Variants in PFKP observed in about 807,000 individuals in gnomAD.
PFKP encodes the protein ATP-dependent 6-phosphofructokinase, platelet type.
A neutral mutation model predicts 94.3 loss-of-function variants in PFKP; 101 were observed. The ratio of observed to expected loss-of-function variants is 1.07; its 90% CI spans 0.91 to 1.26. The LOEUF is 1.26. Among genes scored for constraint, PFKP ranks in the 50% most tolerant of loss-of-function variants. The probability of loss-of-function intolerance (pLI) is 0.00; values close to 1 mark genes in which losing one functional copy is unlikely to be tolerated. For synonymous variants in PFKP, 573 were observed against 432.6 expected (o/e 1.32, Z -4.03); for missense variants, 1,145 against 1,103.3 (o/e 1.04, Z -0.53).
intron 16 of PFKP, among the ~76,000 whole-genome samples, chr10:3,122,243 C>T (rs972681495): frequency 6.6e-6 from 1 of 152,160 alleles, no homozygotes; most frequent in Non-Finnish European, 1.5e-5. Flanking sequence ...CCCTTCTGAT[C>T]CTGAGCTCCA....
At chr10:3,128,621 C>A (rs551693445) in intron 16 of PFKP, among the ~76,000 whole-genome samples, 1 of 152,248 alleles carries the variant, frequency 6.6e-6, no homozygotes, top group Non-Finnish European at 1.5e-5. Flanking sequence ...ACGCCTTGTA[C>A]GCCTTGTTCC....
Position 3,118,859 on chromosome 10 carries a change from G to A in PFKP, c.1520G>A (p.Gly507Asp). Reference protein sequence around the residue: ...THSINALLIIGGFEAYLGLLE... With the variant: ...THSINALLIIDGFEAYLGLLE... ...AGCATCAACGCGCTGCTGATCATCGGTGGATTCGAGGTACGTTACCGTTTC... is the reference window on the plus strand; with the variant it reads ...AGCATCAACGCGCTGCTGATCATCGATGGATTCGAGGTACGTTACCGTTTC... The change falls in exon 15 of 22, where the codon GGT becomes GAT. Residue 507 changes from glycine (G) to aspartate (D), a missense_variant. Physicochemically the swap from Gly to Asp is moderately conservative, Grantham distance 94. Around this residue, in one of 3 missense-constraint regions of PFKP, gnomAD observed 1,119 missense variants for 1,062.8 expected, o/e 1.05. Transcript: ENST00000381125. 1.2e-6 allele frequency: 2 copies of A among 1,612,504 alleles called. No homozygotes were observed. Among genetic ancestry groups the A allele is most frequent in the South Asian group, 2.2e-5 (2 of 90,866 alleles).
chr10:3,111,035 T>C (rs934732666), intron 10 of PFKP, among the ~76,000 whole-genome samples: 1 of 152,122 alleles, frequency 6.6e-6, no homozygotes, highest in Non-Finnish European at 1.5e-5. Context: ...AGTGTGTGCA[T>C]GTATGTTTAT....
chr10:3,073,704 G>A (rs561472943), intron 1 of PFKP, among the ~76,000 whole-genome samples: 5 of 152,292 alleles, frequency 3.3e-5, no homozygotes, highest in East Asian at 3.9e-4. Flanking sequence ...GATCTGATCC[G>A]AAGTTTCCTG....
chr10:3,128,865 A>C (rs1838247715), intron 16 of PFKP: 1 of 152,266 alleles, frequency 6.6e-6, no homozygotes, highest in South Asian at 2.1e-4. Flanking sequence ...TGTGATGCAC[A>C]CAGCGGCCAG....
chr10:3,119,790 C>CATTAAAAAAAAAAAA, intron 15 of PFKP, 102 bp from the exon 16 acceptor site: 4 of 960,574 alleles, frequency 4.2e-6, no homozygotes, highest in Non-Finnish European at 3.2e-6. Flanking sequence ...CCAGTGTGCT[C>CATTAAAAAAAAAAAA]CCTGCGTGCT....
intron 20 of PFKP, among the ~76,000 whole-genome samples, 153 bp downstream of exon 20, chr10:3,134,735 T>C (rs1366820876): frequency 6.6e-6 from 1 of 152,242 alleles, no homozygotes; most frequent in Non-Finnish European, 1.5e-5. Flanking sequence ...TCTCTGAGTG[T>C]TGCTATTTAA....
chr10:3,129,820 C>A lies in PFKP; in HGVS notation c.1685C>A (p.Thr562Asn), dbSNP rs141301561. The change falls in exon 17 of 22, where the codon ACC becomes AAC. Residue 562 changes from threonine to asparagine, a missense_variant and splice_region_variant. Physicochemically the swap from Thr to Asn is moderately conservative, Grantham distance 65 (BLOSUM62 0). This residue lies in a region of PFKP where 1,119 missense variants were observed against 1,062.8 expected (regional missense o/e 1.05). Coordinates refer to ENST00000381125, the MANE Select transcript of PFKP (RefSeq NM_002627.5). ...GACTGATCGCTTCTCTGTGACCAGA[C>A]CTGCGACCGCATCAAGCAGTCCGCC... ...ADTALNTITDTCDRIKQSASG... is the reference protein window; with the variant it reads ...ADTALNTITDNCDRIKQSASG... The A allele has an allele frequency of 2.0e-5, 33 of 1,613,282 alleles. No individual in the cohort carries two copies. The highest frequency in any genetic ancestry group is 2.5e-6 in the Non-Finnish European group (3 of 1,179,950).
intron 18 of PFKP, 45 bp downstream of exon 18, chr10:3,132,486 C>A: frequency 7.4e-7 from 1 of 1,349,440 alleles, no homozygotes; most frequent in South Asian, 1.2e-5. Flanking sequence ...CACCGCCACA[C>A]CCTGGTTCTT....
intron 13 of PFKP, among the ~76,000 whole-genome samples, chr10:3,116,518 C>T (rs779536740): frequency 9.9e-5 from 15 of 152,172 alleles, no homozygotes; most frequent in Admixed American, 6.5e-4. Flanking sequence ...GTATCTCACA[C>T]GTGGCTCAGG....
chr10:3,105,483 G>C lies in PFKP; in HGVS notation c.756G>C (p.Met252Ile). The C allele has an allele frequency of 6.2e-7, 1 of 1,613,372 alleles. No individual in the cohort carries two copies. Residue 252 changes from methionine to isoleucine, a missense_variant, in exon 7 of 22, where the codon ATG (methionine) becomes ATC (isoleucine). Met to Ile is a conservative substitution (Grantham distance 10). Around this residue, in one of 3 missense-constraint regions of PFKP, gnomAD observed 1,119 missense variants for 1,062.8 expected, o/e 1.05. Transcript: ENST00000381125. ...CAGAGGAAGGCTGGGAGGAGCAGAT[G>C]TGTGTCAAACTCTCGGAGGTAATGC... Reference protein sequence around the residue: ...SPPEEGWEEQMCVKLSENRAR... With the variant: ...SPPEEGWEEQICVKLSENRAR...
chr10:3,128,394 GT>G (rs1838186165), intron 16 of PFKP, among the ~76,000 whole-genome samples: 1 of 152,230 alleles, frequency 6.6e-6, no homozygotes, highest in African/African-American at 2.4e-5. Flanking sequence ...ACCAGGTGGT[GT>G]TTTCCTGAGG....
Position 3,114,181 on chromosome 10 carries a change from G to T in PFKP, c.1371+663G>T, listed in dbSNP as rs139418797. Among the ~76,000 whole-genome samples the T allele has an allele frequency of 6.0e-3, 865 of 145,352 alleles. 14 individuals are homozygous for T. Among genetic ancestry groups the T allele is most frequent in the African/African-American group, 0.021 (802 of 39,054 alleles). On this transcript the variant is annotated intron_variant, in intron 13 of 21. Transcript: ENST00000381125. ...TTTTTTTTTTTTGAGACGAAGTCTC[G>T]CTCTGTTGCCCAAACTGGAGTGCAA...
intron 1 of PFKP, chr10:3,070,459 A>G (rs1487337436): frequency 6.6e-6 from 1 of 152,244 alleles, no homozygotes; most frequent in African/African-American, 2.4e-5. Context: ...ACATTCACGT[A>G]TTAATTTCAG....
chr10:3,112,407 G>C (rs1458383571), intron 11 of PFKP, 121 bp downstream of exon 11: 5 of 785,548 alleles, frequency 6.4e-6, no homozygotes, highest in Non-Finnish European at 1.1e-5. Context: ...AGAAAGTCAG[G>C]CAGTACTCAC....
chr10:3,097,126 A>G lies in PFKP; in HGVS notation c.187-2149A>G, dbSNP rs545258506. Among the ~76,000 whole-genome samples the G allele has an allele frequency of 2.3e-3, 344 of 150,354 alleles. 2 individuals carry two copies. The highest frequency in any genetic ancestry group is 8.0e-3 in the African/African-American group (326 of 40,730). ...CTGGGAGTTTGGGGTGGTAGAGATCACTGAAACTGCAACCCCAAGGCTAGG... is the reference window on the plus strand; with the variant it reads ...CTGGGAGTTTGGGGTGGTAGAGATCGCTGAAACTGCAACCCCAAGGCTAGG... On this transcript the variant is annotated intron_variant, in intron 2 of 21. Coordinates refer to ENST00000381125, the MANE Select transcript of PFKP (RefSeq NM_002627.5).
chr10:3,127,496 G>A (rs1206432947), intron 16 of PFKP, among the ~76,000 whole-genome samples: 1 of 152,232 alleles, frequency 6.6e-6, no homozygotes, highest in Non-Finnish European at 1.5e-5. Flanking sequence ...TAACCCATGA[G>A]GTTTTGTGCC....
At chr10:3,124,147 C>T (rs1395943774) in intron 16 of PFKP, among the ~76,000 whole-genome samples, 1 of 152,234 alleles carries the variant, frequency 6.6e-6, no homozygotes, top group East Asian at 1.9e-4. Context: ...AGATCGCTCA[C>T]TGTCCGACTC....
intron 16 of PFKP, among the ~76,000 whole-genome samples, chr10:3,121,803 C>CTTTTCTTTCTTTTTT (rs1564339123): frequency 9.2e-5 from 3 of 32,624 alleles, no homozygotes. Context: ...CTTTTTTTTT[C>CTTTTCTTTCTTTTTT]TTTTTTTTTT....
Sources: allele counts gnomAD v4.1 joint callset (sites outside exome capture counted in the v4.1 genomes callset), GRCh38; gene constraint gnomAD v4.1.1; regional missense constraint gnomAD v4.1.1; transcripts MANE v1.5; gene names NCBI Gene and HGNC (gene_info 2026-07-23, HGNC 2026-07-21).